Variants in GRIK3 observed in about 807,000 individuals in gnomAD.
GRIK3 encodes the protein glutamate receptor ionotropic, kainate 3.
A neutral mutation model predicts 102.5 loss-of-function variants in GRIK3; 29 were observed. The ratio of observed to expected loss-of-function variants is 0.28; its 90% CI spans 0.21 to 0.39. GRIK3 has a LOEUF of 0.39. GRIK3 is among the 10% of genes least tolerant of loss of function. The pLI is 1.00. For synonymous variants in GRIK3, 511 were observed against 504.9 expected, an observed-to-expected ratio of 1.01 and a Z score of -0.16; for missense variants, 908 against 1,252.4, an observed-to-expected ratio of 0.73 and a Z score of 4.15.
chr1:37,001,668 G>T (rs1029415991), intron 1 of GRIK3, among the ~76,000 whole-genome samples: 1 of 152,162 alleles, frequency 6.6e-6, no homozygotes, highest in Non-Finnish European at 1.5e-5. Flanking sequence ...ATCCTTGAGA[G>T]GTTCCTCAAT....
chr1:36,989,685 G>GGT (rs1045512273), intron 1 of GRIK3, among the ~76,000 whole-genome samples: 2 of 152,116 alleles, frequency 1.3e-5, no homozygotes, highest in Non-Finnish European at 2.9e-5. Flanking sequence ...GTGGCACAGT[G>GGT]GACACAGGCC....
In GRIK3 at chr1:36,872,665, AG is replaced by A. The variant is rs1360765820; in HGVS notation, c.551-297del. 1.3e-5 allele frequency among the ~76,000 whole-genome samples: 2 copies of A among 152,254 alleles called. No homozygotes were observed. Among genetic ancestry groups the A allele is most frequent in the African/African-American group, 4.8e-5 (2 of 41,470 alleles). ...TTAAGGCCTGTGCACACAGTGGTGC[AG>A]TACACACATATGTAGATTCAAAAGT... On this transcript the variant is annotated intron_variant, in intron 3 of 15. Transcript: ENST00000373091. This position sits in a 1 kb window ranked among gnomAD's most constrained non-coding sequence, Gnocchi z 5.9.
rs1016433099 is a variant in GRIK3, at chr1:36,795,582, C to T, written c.*6269G>A. On this transcript the variant is annotated 3_prime_UTR_variant, in exon 16 of 16. Transcript: ENST00000373091. The stretch of plus-strand genomic sequence containing the variant: ...TTTAAAACCATATTACTTCATACAG[C>T]AAACTGTGCACTTTGATATATCACA... 6.6e-6 allele frequency: 1 copy of T among 152,116 alleles called. No individual in the cohort carries two copies. The highest frequency in any genetic ancestry group is 1.5e-5 in the Non-Finnish European group (1 of 68,032). 9.4% of individuals were successfully genotyped at this position (152,116 alleles called of 1,614,324 possible).
At chr1:36,838,248 G>A (rs887605857) in intron 10 of GRIK3, among the ~76,000 whole-genome samples, 3 of 152,304 alleles carry the variant, frequency 2.0e-5, no homozygotes, top group Admixed American at 6.5e-5. Flanking sequence ...GGAGGCCGGA[G>A]AAATGGAATA....
rs571866539 is a variant in GRIK3 at position 36,959,722 on chromosome 1, C to T, written c.116-68626G>A. Among the ~76,000 whole-genome samples, 7 of 118,888 alleles carry T rather than the reference C, an allele frequency of 5.9e-5. 2 individuals are homozygous for T. The highest frequency in any genetic ancestry group is 8.7e-5 in the African/African-American group (3 of 34,614). 78.0% of individuals were successfully genotyped at this position (118,888 alleles called of 152,430 possible). A position where few individuals can be genotyped will look rare whatever the true frequency, so the allele number is the denominator to read the frequency against. ...CCTTGAGCCTGTGTGCTTTGTGAGT[C>T]GGTGTGTCCCATGAGTCTGTGCGCC... is the stretch of plus-strand genomic sequence containing the variant. On this transcript the variant is annotated intron_variant, in intron 1 of 15. Coordinates refer to ENST00000373091, the MANE Select transcript of GRIK3 (RefSeq NM_000831.4).
At chr1:36,842,230 G>T (rs1485021592) in intron 9 of GRIK3, among the ~76,000 whole-genome samples, 1 of 152,154 alleles carries the variant, frequency 6.6e-6, no homozygotes, top group African/African-American at 2.4e-5. Context: ...TTGAACTGGA[G>T]ACCCATCCCA....
At chr1:36,993,566 A>G (rs567427358) in intron 1 of GRIK3, among the ~76,000 whole-genome samples, 8 of 152,236 alleles carry the variant, frequency 5.3e-5, no homozygotes. Flanking sequence ...TGTTAACAGG[A>G]GCTCTGATGG....
intron 1 of GRIK3, among the ~76,000 whole-genome samples, chr1:36,968,365 G>A (rs188210721): frequency 1.4e-3 from 219 of 151,828 alleles, no homozygotes; most frequent in Non-Finnish European, 2.8e-3. Context: ...CCACTACCCC[G>A]CAGGGCAGGA....
chr1:36,999,152 C>G (rs1440337707), intron 1 of GRIK3, among the ~76,000 whole-genome samples: 1 of 151,892 alleles, frequency 6.6e-6, no homozygotes, highest in Non-Finnish European at 1.5e-5. Context: ...AGCTCAAGTA[C>G]ATAAAGTAGA....
At chr1:36,918,601 A>G (rs1278862807) in intron 1 of GRIK3, among the ~76,000 whole-genome samples, 1 of 152,232 alleles carries the variant, frequency 6.6e-6, no homozygotes, top group Non-Finnish European at 1.5e-5. Context: ...TGAGGTTCAG[A>G]CAGAGTCGTA....
At chr1:36,827,154 C>G (rs1235035345) in intron 10 of GRIK3, among the ~76,000 whole-genome samples, 1 of 152,214 alleles carries the variant, frequency 6.6e-6, no homozygotes, top group Non-Finnish European at 1.5e-5. Context: ...AGTCTGTGCT[C>G]CATGCGACCT....
rs553185378 is a variant in GRIK3, at chr1:36,895,438, A to C, written c.116-4342T>G. ...CAAAGAGATGGGAATTCTAAGAAAA[A>C]AAAAAGAAATGTTAGAGATAAAAAG... On this transcript the variant is annotated intron_variant, in intron 1 of 15. Coordinates refer to ENST00000373091, the MANE Select transcript of GRIK3 (RefSeq NM_000831.4). Among the ~76,000 whole-genome samples the C allele has an allele frequency of 4.9e-4, 74 of 152,290 alleles. 1 individual carries two copies. In the South Asian group the frequency reaches 0.015, roughly 31 times the overall value.
rs373626534 is a variant in GRIK3 at position 36,928,438 on chromosome 1, C to G, written c.116-37342G>C. Among the ~76,000 whole-genome samples, 30 of 152,250 alleles carry G rather than the reference C, an allele frequency of 2.0e-4. 1 individual carries two copies. In the South Asian group the frequency reaches 6.0e-3, roughly 31 times the overall value. ...ACCTGGTATACCAGATTGTCTGAATCAAAGTGGCAATGGCAAGTGTTTGGG... is the reference window on the plus strand; with the variant it reads ...ACCTGGTATACCAGATTGTCTGAATGAAAGTGGCAATGGCAAGTGTTTGGG... On this transcript the variant is annotated intron_variant, in intron 1 of 15. Transcript: ENST00000373091.
intron 1 of GRIK3, among the ~76,000 whole-genome samples, chr1:36,949,816 T>G: frequency 6.6e-6 from 1 of 152,134 alleles, no homozygotes; most frequent in South Asian, 2.1e-4. Flanking sequence ...TGACCTCAGG[T>G]GATCTGCCCA....
chr1:37,003,960 G>C (rs1642505617), intron 1 of GRIK3, among the ~76,000 whole-genome samples: 1 of 152,132 alleles, frequency 6.6e-6, no homozygotes, highest in East Asian at 1.9e-4. Context: ...AATGGTTCCT[G>C]CCACCTGTTA....
chr1:36,907,236 AG>A (rs1641293660), intron 1 of GRIK3, among the ~76,000 whole-genome samples: 1 of 152,178 alleles, frequency 6.6e-6, no homozygotes, highest in Non-Finnish European at 1.5e-5. Flanking sequence ...ATGATGCAAA[AG>A]AAACAAAGAC....
At chr1:36,958,075 T>C (rs1327090808) in intron 1 of GRIK3, among the ~76,000 whole-genome samples, 7 of 110,720 alleles carry the variant, frequency 6.3e-5, no homozygotes, top group Non-Finnish European at 1.1e-4. Flanking sequence ...GCCTGTGTGC[T>C]CTTTGAATCT....
intron 10 of GRIK3, among the ~76,000 whole-genome samples, chr1:36,838,328 A>G (rs748950226): frequency 3.3e-5 from 5 of 152,248 alleles, no homozygotes; most frequent in Non-Finnish European, 7.3e-5. Context: ...TTCCAGAGTC[A>G]TCAAAACACA....
At chr1:36,938,325 T>G (rs1383667412) in intron 1 of GRIK3, among the ~76,000 whole-genome samples, 3 of 152,142 alleles carry the variant, frequency 2.0e-5, no homozygotes, top group South Asian at 4.1e-4. Context: ...TGGAGGTACA[T>G]TCCCATAAAA....
Sources: gnomAD v4.1 joint callset for allele counts (sites outside exome capture counted in the v4.1 genomes callset) on GRCh38, gnomAD v4.1.1 for gene constraint, Gnocchi (gnomAD v3.1) non-coding constraint, MANE v1.5 for transcripts, NCBI Gene and HGNC (gene_info 2026-07-23, HGNC 2026-07-21) for gene names.